Variants in CDH18 observed in about 807,000 individuals in gnomAD.
CDH18 encodes cadherin-18.
In CDH18, 31 loss-of-function variants were observed where a neutral mutation model predicts 67.9. The ratio of observed to expected loss-of-function variants is 0.46; its 90% CI spans 0.34 to 0.62. The LOEUF (loss-of-function observed/expected upper bound fraction) is 0.62, where lower values mean the gene tolerates loss of function less well. CDH18 is among the 20% of genes least tolerant of loss of function. The pLI, the probability that CDH18 is intolerant of heterozygous loss-of-function variation, is 0.01. For synonymous variants in CDH18, 362 were observed against 347.2 expected, an observed-to-expected ratio of 1.04 and a Z score of -0.48; for missense variants, 890 against 975.5, an observed-to-expected ratio of 0.91 and a Z score of 1.17.
intron 2 of CDH18, among the ~76,000 whole-genome samples, chr5:19,950,235 T>A (rs2150260361): frequency 6.6e-6 from 1 of 151,692 alleles, no homozygotes; most frequent in Middle Eastern, 3.4e-3. Context: ...CTGGATGGAG[T>A]TAGAAACAAT....
At chr5:20,264,270 G>C (rs1323110857) in intron 1 of CDH18, among the ~76,000 whole-genome samples, 4 of 151,952 alleles carry the variant, frequency 2.6e-5, no homozygotes, top group African/African-American at 4.8e-5. Flanking sequence ...TCTTGACCAA[G>C]TTACTAGTTT....
Position 20,276,387 on chromosome 5 carries a change from C to T in CDH18, c.-579-20882G>A, listed in dbSNP as rs186699919. Among the ~76,000 whole-genome samples, 917 of 152,228 alleles carry T rather than the reference C, an allele frequency of 6.0e-3. 6 individuals are homozygous for T. The highest frequency in any genetic ancestry group is 8.0e-3 in the Non-Finnish European group (543 of 68,022). ...AGGGAACTGGGCAGAGTCCTGAGGC[C>T]CCCATTCCAGGCTCTCACTCCTTGA... On this transcript the variant is annotated intron_variant, in intron 1 of 14. Coordinates refer to the CDH18 transcript ENST00000507958.
intron 5 of CDH18, among the ~76,000 whole-genome samples, chr5:19,613,315 A>T (rs1419324454): frequency 6.6e-6 from 1 of 152,196 alleles, no homozygotes; most frequent in Non-Finnish European, 1.5e-5. Context: ...AACAATTTAC[A>T]TAGCTTCCTG....
At chr5:20,521,089 G>A (rs1755713998) in intron 1 of CDH18, among the ~76,000 whole-genome samples, 1 of 152,096 alleles carries the variant, frequency 6.6e-6, no homozygotes. Flanking sequence ...CTAGAGAGAA[G>A]ATTAAAAATG....
At chr5:20,362,386 A>G (rs1046051614) in intron 1 of CDH18, among the ~76,000 whole-genome samples, 2 of 152,210 alleles carry the variant, frequency 1.3e-5, no homozygotes, top group Admixed American at 6.5e-5. Context: ...AAGCATGTGA[A>G]CTAAGTACTC....
intron 3 of CDH18, among the ~76,000 whole-genome samples, chr5:19,834,437 C>G (rs1209105637): frequency 7.2e-6 from 1 of 138,638 alleles, no homozygotes; most frequent in Non-Finnish European, 1.6e-5. Context: ...GTCTAGCTAA[C>G]AGTCCATTTA....
Position 19,524,851 on chromosome 5 carries a change from T to G in CDH18, c.1391-4073A>C, listed in dbSNP as rs1424059515. On this transcript the variant is annotated intron_variant, in intron 9 of 12. Coordinates refer to ENST00000382275, the MANE Select transcript of CDH18 (RefSeq NM_004934.5). Reference sequence around the variant, plus strand: ...AGCTCCGCCTCCCGGGTTCACGCCATTCTCCTGCCTCAGCCTCCCGAGTAG... The same window carrying G: ...AGCTCCGCCTCCCGGGTTCACGCCAGTCTCCTGCCTCAGCCTCCCGAGTAG... Among the ~76,000 whole-genome samples the G allele has an allele frequency of 2.0e-5, 3 of 152,266 alleles. No individual in the cohort carries two copies. In the East Asian group the frequency reaches 5.8e-4, roughly 29 times the overall value.
rs1259450580 is a variant in CDH18 at position 19,473,263 on chromosome 5, T to A, written c.2336A>T (p.Glu779Val). The change falls in exon 13 of 13, where the codon GAA becomes GTA. Residue 779 changes from glutamate to valine, a missense_variant. Around this residue, in one of 2 missense-constraint regions of CDH18, gnomAD observed 656 missense variants for 668.1 expected, o/e 0.98. Transcript: ENST00000382275. ...TTCAGATTCTATTTCTCCATAGAGTTCAGCTAACTTTTTAAACTCGGGTCC... is the reference window on the plus strand; with the variant it reads ...TTCAGATTCTATTTCTCCATAGAGTACAGCTAACTTTTTAAACTCGGGTCC... Reference protein sequence around the residue: ...DWGPEFKKLAELYGEIESERT... With the variant: ...DWGPEFKKLAVLYGEIESERT... The A allele has an allele frequency of 6.2e-7, 1 of 1,613,658 alleles. No homozygotes were observed. The highest frequency in any genetic ancestry group is 2.2e-5 in the East Asian group (1 of 44,852).
At chr5:20,214,904 C>T (rs1050379849) in intron 2 of CDH18, among the ~76,000 whole-genome samples, 6 of 151,976 alleles carry the variant, frequency 3.9e-5, no homozygotes, top group African/African-American at 1.4e-4. Flanking sequence ...AGTAAACATA[C>T]AACCTACAAA....
intron 2 of CDH18, among the ~76,000 whole-genome samples, chr5:19,932,885 C>T (rs1793854727): frequency 6.6e-6 from 1 of 151,630 alleles, no homozygotes; most frequent in Admixed American, 6.6e-5. Flanking sequence ...CTCCATGTAT[C>T]TGTACATACA....
intron 2 of CDH18, among the ~76,000 whole-genome samples, chr5:20,086,843 G>A (rs776755321): frequency 6.6e-6 from 1 of 152,148 alleles, no homozygotes; most frequent in Non-Finnish European, 1.5e-5. Context: ...GTAAGAAGAT[G>A]AATATAGTTT....
At chr5:19,479,719 A>G (rs1365210468) in intron 12 of CDH18, among the ~76,000 whole-genome samples, 3 of 152,082 alleles carry the variant, frequency 2.0e-5, no homozygotes, top group African/African-American at 7.2e-5. Flanking sequence ...CGGTGGCCTC[A>G]CCTAGGTCAC....
intron 3 of CDH18, among the ~76,000 whole-genome samples, chr5:19,782,100 T>G (rs1231960599): frequency 6.6e-6 from 1 of 152,144 alleles, no homozygotes. Context: ...ATTTTCACAC[T>G]TTTATATAGT....
chr5:19,607,794 T>C (rs181937242), intron 6 of CDH18, among the ~76,000 whole-genome samples: 4 of 151,238 alleles, frequency 2.6e-5, no homozygotes, highest in Admixed American at 2.6e-4. Flanking sequence ...AGTACAATTA[T>C]AGAAAACATT....
chr5:20,313,791 C>T (rs1737211370), intron 1 of CDH18, among the ~76,000 whole-genome samples: 1 of 151,938 alleles, frequency 6.6e-6, no homozygotes, highest in African/African-American at 2.4e-5. Context: ...TTGTAGTTTA[C>T]AGTTTTACAC....
intron 1 of CDH18, among the ~76,000 whole-genome samples, chr5:20,297,165 T>C (rs1747603373): frequency 6.6e-6 from 1 of 152,172 alleles, no homozygotes; most frequent in Non-Finnish European, 1.5e-5. Flanking sequence ...AAATTAAAAA[T>C]GTTAGTATAT....
At position 20,242,605 on chromosome 5, in the gene CDH18, A is replaced by AT. The variant is rs1422057410; in HGVS notation, c.-518+12838_-518+12839insA. ...TTGGGTTTCATTGAGGGAAAAAAAA[A>AT]AAAAAAATATATATATATATATATA... On this transcript the variant is annotated intron_variant, in intron 2 of 14. Coordinates refer to the CDH18 transcript ENST00000507958. Among the ~76,000 whole-genome samples, 95 of 88,078 alleles carry AT rather than the reference A, an allele frequency of 1.1e-3. 5 individuals are homozygous for AT. Among genetic ancestry groups the AT allele is most frequent in the African/African-American group, 5.5e-3 (88 of 15,862 alleles). 57.8% of individuals were successfully genotyped at this position (88,078 alleles called of 152,430 possible).
chr5:20,055,167 G>C (rs564137402), intron 2 of CDH18, among the ~76,000 whole-genome samples: 1 of 151,892 alleles, frequency 6.6e-6, no homozygotes, highest in South Asian at 2.1e-4. Context: ...AATATATGAG[G>C]GTATAATCTT....
chr5:19,921,684 T>C (rs1018564208), intron 2 of CDH18, among the ~76,000 whole-genome samples: 1 of 152,080 alleles, frequency 6.6e-6, no homozygotes. Flanking sequence ...TATATGAGAT[T>C]TTACCAATAA....
Sources: gnomAD v4.1 joint callset for allele counts (sites outside exome capture counted in the v4.1 genomes callset) on GRCh38, gnomAD v4.1.1 for gene constraint, gnomAD v4.1.1 regional missense constraint, MANE v1.5 for transcripts, NCBI Gene and HGNC (gene_info 2026-07-23, HGNC 2026-07-21) for gene names.